Variants in RYR2 observed in about 807,000 individuals in gnomAD.
The protein encoded by RYR2 is cardiac muscle ryanodine receptor-calcium release channel.
In RYR2, 227 loss-of-function variants were observed where a neutral mutation model predicts 601.1. That is an observed-to-expected ratio of 0.38 (90% CI 0.34 to 0.42). The LOEUF (loss-of-function observed/expected upper bound fraction) is 0.42. Ranked by LOEUF, RYR2 falls within the 10% of genes least tolerant of loss-of-function variation. The probability of loss-of-function intolerance (pLI) is 1.00; values close to 1 mark genes in which losing one functional copy is unlikely to be tolerated. For synonymous variants in RYR2, 2,223 were observed against 2,175.1 expected, an observed-to-expected ratio of 1.02 and a Z score of -0.61; for missense variants, 4,646 against 6,156.5, an observed-to-expected ratio of 0.75 and a Z score of 8.21.
At chr1:237,712,365 G>T (rs1215503309) in intron 71 of RYR2, among the ~76,000 whole-genome samples, 5 of 152,030 alleles carry the variant, frequency 3.3e-5, no homozygotes, top group African/African-American at 1.2e-4. Context: ...GGTGAGGCAG[G>T]GGTCAGTGTG....
At chr1:237,772,572 CT>C (rs1330331146) in intron 86 of RYR2, among the ~76,000 whole-genome samples, 13 of 152,150 alleles carry the variant, frequency 8.5e-5, no homozygotes, top group Non-Finnish European at 1.6e-4. Context: ...TTAAAAATCT[CT>C]GATATTGTAA....
intron 12 of RYR2, among the ~76,000 whole-genome samples, chr1:237,428,250 G>A (rs935801615): frequency 6.6e-6 from 1 of 151,966 alleles, no homozygotes; most frequent in Non-Finnish European, 1.5e-5. Flanking sequence ...CCCATTACTG[G>A]GTATATACCC....
chr1:237,743,425 A>C (rs1230131605), intron 80 of RYR2, among the ~76,000 whole-genome samples: 3 of 152,184 alleles, frequency 2.0e-5, no homozygotes, highest in African/African-American at 7.2e-5. Context: ...TCTAATGTAT[A>C]TGTTTTCTAT....
At chr1:237,710,270 C>A (rs941944278) in intron 70 of RYR2, among the ~76,000 whole-genome samples, 2 of 152,040 alleles carry the variant, frequency 1.3e-5, no homozygotes, top group South Asian at 4.2e-4. Context: ...ATTTTTATAT[C>A]AATTATAATT....
chr1:237,567,514 C>G (rs958550830), intron 28 of RYR2, among the ~76,000 whole-genome samples: 1 of 151,530 alleles, frequency 6.6e-6, no homozygotes, highest in Non-Finnish European at 1.5e-5. Context: ...TGCTTGAGCT[C>G]GGGAGGTCGA....
At chr1:237,407,918 A>G (rs1208282442) in intron 10 of RYR2, among the ~76,000 whole-genome samples, 1 of 151,844 alleles carries the variant, frequency 6.6e-6, no homozygotes, top group Non-Finnish European at 1.5e-5. Flanking sequence ...GCCTGGCCAA[A>G]TTGTTGTTGA....
At chr1:237,690,683 G>A (rs540107564) in intron 63 of RYR2, among the ~76,000 whole-genome samples, 4 of 152,214 alleles carry the variant, frequency 2.6e-5, no homozygotes, top group South Asian at 4.1e-4. Context: ...GAAACATGGC[G>A]AGACCCCATC....
At chr1:237,341,708 G>C in intron 3 of RYR2, 1 of 500,274 alleles carries the variant, frequency 2.0e-6, no homozygotes, top group Non-Finnish European at 4.0e-6. Flanking sequence ...AAAATCAAGG[G>C]GCTGAAAAGT....
intron 100 of RYR2, among the ~76,000 whole-genome samples, chr1:237,812,858 C>A (rs921479561): frequency 4.0e-5 from 6 of 151,140 alleles, no homozygotes; most frequent in African/African-American, 1.5e-4. Context: ...CCTTTTGCTG[C>A]TTTTCTCGCA....
At chr1:237,257,238 A>G (rs375747355) in intron 1 of RYR2, among the ~76,000 whole-genome samples, 13 of 152,332 alleles carry the variant, frequency 8.5e-5, no homozygotes, top group East Asian at 1.9e-4. Flanking sequence ...CTGCGCATCC[A>G]TGAGCAAATG....
chr1:237,672,498 A>G (rs943358861), intron 58 of RYR2, among the ~76,000 whole-genome samples: 20 of 152,214 alleles, frequency 1.3e-4, no homozygotes, highest in African/African-American at 4.8e-4. Flanking sequence ...AATTGTCTAT[A>G]TGAGGTACAG....
At chr1:237,806,934 C>G (rs1158494946) in intron 99 of RYR2, among the ~76,000 whole-genome samples, 3 of 152,178 alleles carry the variant, frequency 2.0e-5, no homozygotes, top group African/African-American at 7.2e-5. Context: ...GATCCGTTCA[C>G]TTGCTATTTT....
intron 100 of RYR2, among the ~76,000 whole-genome samples, chr1:237,814,965 C>CTTTTTTTTTTTTTTTT (rs11314213): frequency 5.3e-5 from 5 of 93,914 alleles, no homozygotes; most frequent in African/African-American, 1.2e-4. Flanking sequence ...TTTCTTTTTT[C>CTTTTTTTTTTTTTTTT]TTTTTTTTTT....
chr1:237,319,445 A>C (rs72765924), intron 2 of RYR2, among the ~76,000 whole-genome samples: 1 of 152,114 alleles, frequency 6.6e-6, no homozygotes. Flanking sequence ...TCTCTATTGA[A>C]GGTTATTGTT....
intron 43 of RYR2, among the ~76,000 whole-genome samples, chr1:237,634,269 GCTGTTTGGC>G (rs949519684): frequency 6.6e-6 from 1 of 152,118 alleles, no homozygotes; most frequent in Non-Finnish European, 1.5e-5. Context: ...ACAATGGAAT[GCTGTTTGGC>G]CTTAAAAAAA....
intron 90 of RYR2, 52 bp downstream of exon 90, chr1:237,785,024 T>C: frequency 7.8e-7 from 1 of 1,278,238 alleles, no homozygotes; most frequent in Non-Finnish European, 1.1e-6. Flanking sequence ...CAGGTGGGTA[T>C]AATAAATGAT....
intron 62 of RYR2, among the ~76,000 whole-genome samples, chr1:237,683,710 T>C (rs953074168): frequency 6.6e-6 from 1 of 152,212 alleles, no homozygotes; most frequent in East Asian, 1.9e-4. Context: ...AATTCATTAA[T>C]ACTAAGAAGC....
chr1:237,529,757 T>TCACACACACACACACACACA (rs1235847282), intron 24 of RYR2, among the ~76,000 whole-genome samples: 3 of 40,230 alleles, frequency 7.5e-5, no homozygotes, highest in African/African-American at 2.3e-4. Context: ...AACAATAATA[T>TCACACACACACACACACACA]CATACACACA....
chr1:237,183,091 A>G (rs1160384625), intron 1 of RYR2, among the ~76,000 whole-genome samples: 1 of 152,146 alleles, frequency 6.6e-6, no homozygotes, highest in African/African-American at 2.4e-5. Context: ...GCCCTTCTAT[A>G]TTCACCACCA....
Sources: allele counts gnomAD v4.1 joint callset (sites outside exome capture counted in the v4.1 genomes callset), GRCh38; gene constraint gnomAD v4.1.1; transcripts MANE v1.5; gene names NCBI Gene and HGNC (gene_info 2026-07-23, HGNC 2026-07-21).